Variants in FMNL2 observed in about 807,000 individuals in gnomAD.
FMNL2 encodes formin-like protein 2.
In FMNL2, 51 loss-of-function variants were observed where a neutral mutation model predicts 130.2. That is an observed-to-expected ratio of 0.39 (90% CI 0.31 to 0.49). The LOEUF is 0.49. Ranked by LOEUF, FMNL2 falls within the 20% of genes least tolerant of loss-of-function variation. The pLI is 0.85. For synonymous variants in FMNL2, 465 were observed against 467.1 expected (o/e 1.00, Z 0.06); for missense variants, 977 against 1,316.2 (o/e 0.74, Z 3.99).
At chr2:152,507,927 A>G (rs1692263129) in intron 1 of FMNL2, among the ~76,000 whole-genome samples, 1 of 152,194 alleles carries the variant, frequency 6.6e-6, no homozygotes, top group South Asian at 2.1e-4. Context: ...TGATGACCAG[A>G]AGACGTTTTC....
At chr2:152,550,204 T>C (rs1694858794) in intron 4 of FMNL2, among the ~76,000 whole-genome samples, 1 of 152,246 alleles carries the variant, frequency 6.6e-6, no homozygotes, top group South Asian at 2.1e-4. Context: ...CAGACTGCTG[T>C]AAGCCATTCA....
intron 1 of FMNL2, among the ~76,000 whole-genome samples, chr2:152,442,868 T>C (rs1341372783): frequency 6.6e-6 from 1 of 152,220 alleles, no homozygotes; most frequent in Non-Finnish European, 1.5e-5. Context: ...CTGGGTTCCA[T>C]GCTCAGTTTA....
Position 152,560,919 on chromosome 2 carries a change from C to G in FMNL2, c.480C>G (p.Ser160Arg). Reference protein sequence around the residue: ...DFESVESTVESSVDKSKPWSR... With the variant: ...DFESVESTVERSVDKSKPWSR... ...AAAGTGTGGAGAGTACTGTGGAGAG[C>G]TCGGTGGACAAATCAAAGCCCTGGA... The change falls in exon 6 of 26, where the codon AGC becomes AGG. Residue 160 changes from serine to arginine, a missense_variant. Physicochemically the swap from Ser to Arg is moderately radical, Grantham distance 110. Around this residue, in one of 4 missense-constraint regions of FMNL2, gnomAD observed 689 missense variants for 995.9 expected, o/e 0.69. Coordinates refer to ENST00000288670, the MANE Select transcript of FMNL2 (RefSeq NM_052905.4). 1 of 1,612,492 alleles carries G rather than the reference C, an allele frequency of 6.2e-7. No homozygotes were observed. The highest frequency in any genetic ancestry group is 8.5e-7 in the Non-Finnish European group (1 of 1,179,310).
At chr2:152,401,498 C>G (rs1685690300) in intron 1 of FMNL2, among the ~76,000 whole-genome samples, 1 of 152,120 alleles carries the variant, frequency 6.6e-6, no homozygotes, top group Non-Finnish European at 1.5e-5. Flanking sequence ...AAGAATTCTT[C>G]CTTTTTGATC....
chr2:152,504,642 ATGAGTAAATGGGTTGTTTACTGAATG>A (rs1412706899), intron 1 of FMNL2, among the ~76,000 whole-genome samples: 1 of 152,158 alleles, frequency 6.6e-6, no homozygotes, highest in Non-Finnish European at 1.5e-5. Context: ...ATTTTGAGAA[ATGAGTAAATGGGTTGTTTACTGAATG>A]TAAGCTTCTA....
intron 1 of FMNL2, among the ~76,000 whole-genome samples, chr2:152,353,253 A>G (rs1007598066): frequency 6.6e-6 from 1 of 152,184 alleles, no homozygotes; most frequent in African/African-American, 2.4e-5. Flanking sequence ...AATCTAGACA[A>G]CTTACTTTGG....
At chr2:152,593,871 G>GTGTC (rs1199461367) in intron 9 of FMNL2, among the ~76,000 whole-genome samples, 1 of 86,760 alleles carries the variant, frequency 1.2e-5, no homozygotes, top group Non-Finnish European at 2.4e-5. Flanking sequence ...GTGTGTGTGT[G>GTGTC]TGTGTGTGTG....
intron 15 of FMNL2, among the ~76,000 whole-genome samples, chr2:152,620,788 C>T (rs1699210794): frequency 2.0e-5 from 3 of 152,082 alleles, no homozygotes; most frequent in Admixed American, 2.0e-4. Flanking sequence ...TTTTGGATGC[C>T]CCAGAGTCAC....
At chr2:152,385,828 G>T (rs1000091158) in intron 1 of FMNL2, among the ~76,000 whole-genome samples, 2 of 152,172 alleles carry the variant, frequency 1.3e-5, no homozygotes, top group Admixed American at 6.5e-5. Flanking sequence ...GGCTTAAATT[G>T]TGTTCTTATG....
chr2:152,611,200 G>A (rs372050939), intron 10 of FMNL2, among the ~76,000 whole-genome samples: 5 of 152,248 alleles, frequency 3.3e-5, no homozygotes, highest in South Asian at 4.1e-4. Flanking sequence ...TTAGCTGGGC[G>A]TGGTGGCACC....
chr2:152,627,028 A>G (rs1311282453), intron 17 of FMNL2, among the ~76,000 whole-genome samples: 2 of 152,166 alleles, frequency 1.3e-5, no homozygotes, highest in Non-Finnish European at 2.9e-5. Flanking sequence ...ATCTGGGTCT[A>G]CTCTCTTATG....
chr2:152,647,131 G>A (rs1310513060), intron 25 of FMNL2, among the ~76,000 whole-genome samples: 10 of 152,234 alleles, frequency 6.6e-5, no homozygotes, highest in East Asian at 1.9e-4. Flanking sequence ...TGGGAGAATC[G>A]CTTGAGACTG....
intron 25 of FMNL2, chr2:152,645,570 C>T: frequency 8.4e-7 from 1 of 1,192,274 alleles, no homozygotes; most frequent in South Asian, 1.3e-5. Flanking sequence ...TCTCTGTATG[C>T]AGATCAATGG....
At chr2:152,457,665 A>G (rs1175071987) in intron 1 of FMNL2, among the ~76,000 whole-genome samples, 1 of 152,248 alleles carries the variant, frequency 6.6e-6, no homozygotes, top group Non-Finnish European at 1.5e-5. Context: ...TGCTACTGGA[A>G]CAAATTACCA....
chr2:152,340,375 G>T (rs1453040171), intron 1 of FMNL2, among the ~76,000 whole-genome samples: 1 of 152,204 alleles, frequency 6.6e-6, no homozygotes, highest in Non-Finnish European at 1.5e-5. Context: ...TGTCTGGTTA[G>T]TGCAAATTTC....
At chr2:152,569,928 T>C (rs966987203) in intron 6 of FMNL2, among the ~76,000 whole-genome samples, 4 of 151,388 alleles carry the variant, frequency 2.6e-5, no homozygotes, top group African/African-American at 9.7e-5. Context: ...GGAGAATTGC[T>C]TGAACCCACG....
chr2:152,347,230 A>G (rs1682179079), intron 1 of FMNL2, among the ~76,000 whole-genome samples: 1 of 152,080 alleles, frequency 6.6e-6, no homozygotes, highest in African/African-American at 2.4e-5. Context: ...GTTATTGCTC[A>G]CCTGAACTTA....
intron 2 of FMNL2, among the ~76,000 whole-genome samples, chr2:152,525,249 A>G (rs961170792): frequency 1.3e-5 from 2 of 152,188 alleles, no homozygotes; most frequent in Non-Finnish European, 2.9e-5. Context: ...GGCTGCTCAA[A>G]TGATTTAGGG....
intron 1 of FMNL2, among the ~76,000 whole-genome samples, chr2:152,432,176 T>C (rs1687529371): frequency 1.3e-5 from 2 of 152,042 alleles, no homozygotes; most frequent in South Asian, 4.1e-4. Context: ...ATATGTGTTT[T>C]CTCCTCATAA....
Sources: gnomAD v4.1 joint callset for allele counts (sites outside exome capture counted in the v4.1 genomes callset) on GRCh38, gnomAD v4.1.1 for gene constraint, gnomAD v4.1.1 regional missense constraint, MANE v1.5 for transcripts, NCBI Gene and HGNC (gene_info 2026-07-23, HGNC 2026-07-21) for gene names.